Variants in LGSN observed in about 807,000 individuals in gnomAD.
The protein encoded by LGSN is lengsin, lens protein with glutamine synthetase domain, also known as lengsin.
A neutral mutation model predicts 19.5 loss-of-function variants in LGSN; 21 were observed. The ratio of observed to expected loss-of-function variants is 1.07; its 90% CI spans 0.76 to 1.55. The LOEUF is 1.55. Ranked by LOEUF, LGSN falls within the 40% of genes most tolerant of loss-of-function variation. LGSN has a pLI of 0.00. For synonymous variants in LGSN, 257 were observed against 215.6 expected (o/e 1.19, Z -1.68); for missense variants, 673 against 608.5 (o/e 1.11, Z -1.12).
chr6:63,478,707 C>T, the LGSN span, among the ~76,000 whole-genome samples: 4 of 152,260 alleles, frequency 2.6e-5, no homozygotes, highest in Middle Eastern at 0.01. Context: ...AGAATTTAAA[C>T]TTATTTCCTC....
the LGSN span, among the ~76,000 whole-genome samples, chr6:63,340,836 G>GTTTTTTT: frequency 1.4e-5 from 2 of 146,276 alleles, no homozygotes; most frequent in African/African-American, 2.6e-5. Flanking sequence ...GCTTTTTATG[G>GTTTTTTT]TTTGTGTGTG....
chr6:63,565,551 C>A, the LGSN span, among the ~76,000 whole-genome samples: 2 of 152,154 alleles, frequency 1.3e-5, no homozygotes, highest in African/African-American at 4.8e-5. Context: ...TCTGATCCAG[C>A]AGGATTCATT....
the LGSN span, among the ~76,000 whole-genome samples, chr6:63,411,074 A>G: frequency 1.8e-4 from 27 of 152,202 alleles, no homozygotes; most frequent in Non-Finnish European, 3.2e-4. Context: ...ACTACAGTTC[A>G]TCTCATCTCC....
rs1767259099 is a variant in LGSN, at chr6:63,280,550, G to A, written c.1001C>T (p.Thr334Ile). 1 of 1,613,974 alleles carries A rather than the reference G, an allele frequency of 6.2e-7. No homozygotes were observed. The highest frequency in any genetic ancestry group is 8.5e-7 in the Non-Finnish European group (1 of 1,180,038). The change falls in exon 4 of 4, where the codon ACT becomes ATT. Residue 334 changes from threonine (T) to isoleucine (I), a missense_variant. Physicochemically the swap from Thr to Ile is moderately conservative, Grantham distance 89. Transcript: ENST00000370657. Reference sequence around the variant, plus strand: ...TTTCCCAGTGATCGTGAGCTGCTCAGTTCCAGAAGTGCTGCAGAACATGTT... The same window carrying A: ...TTTCCCAGTGATCGTGAGCTGCTCAATTCCAGAAGTGCTGCAGAACATGTT... ...KKNMFCSTSG[T>I]EQLTITGKKW...
the LGSN span, chr6:63,481,649 A>G: frequency 6.3e-6 from 1 of 158,768 alleles, no homozygotes; most frequent in Non-Finnish European, 1.4e-5. Flanking sequence ...CCCAGCCCCA[A>G]AAGCTATTAA....
chr6:63,412,466 AAGAG>A, the LGSN span, among the ~76,000 whole-genome samples: 3 of 123,960 alleles, frequency 2.4e-5, no homozygotes, highest in African/African-American at 4.0e-5. Flanking sequence ...AAGAAAGAAA[AAGAG>A]AGAGAAGAAA....
chr6:63,353,295 G>A, the LGSN span, among the ~76,000 whole-genome samples: 3 of 152,238 alleles, frequency 2.0e-5, no homozygotes, highest in African/African-American at 7.2e-5. Flanking sequence ...CAACAGGCAA[G>A]AGGCAATAGG....
At chr6:63,534,687 C>T in the LGSN span, among the ~76,000 whole-genome samples, 2 of 151,632 alleles carry the variant, frequency 1.3e-5, no homozygotes, top group African/African-American at 4.9e-5. Flanking sequence ...GTGGCTCATG[C>T]CTGTAACCCC....
At chr6:63,412,756 AAAGAAAG>A in the LGSN span, among the ~76,000 whole-genome samples, 1 of 78,528 alleles carries the variant, frequency 1.3e-5, no homozygotes, top group Non-Finnish European at 2.3e-5. Flanking sequence ...AGAAAGAAAG[AAAGAAAG>A]AAAGAAAGGA....
At chr6:63,293,200 T>C (rs1043683793) in intron 2 of LGSN, among the ~76,000 whole-genome samples, 1 of 152,164 alleles carries the variant, frequency 6.6e-6, no homozygotes, top group Admixed American at 6.5e-5. Flanking sequence ...TCTGCCTATG[T>C]TGCCCAGGCT....
chr6:63,412,116 C>T, the LGSN span, among the ~76,000 whole-genome samples: 1 of 151,990 alleles, frequency 6.6e-6, no homozygotes, highest in African/African-American at 2.4e-5. Flanking sequence ...CCTGTAATCC[C>T]AGCACTTTGG....
At chr6:63,418,101 C>T in the LGSN span, among the ~76,000 whole-genome samples, 1 of 152,106 alleles carries the variant, frequency 6.6e-6, no homozygotes, top group Non-Finnish European at 1.5e-5. Flanking sequence ...TGAGATAAGG[C>T]TAATTGCCTT....
chr6:63,513,065 T>A, the LGSN span, among the ~76,000 whole-genome samples: 16 of 152,214 alleles, frequency 1.1e-4, no homozygotes, highest in Non-Finnish European at 1.8e-4. Flanking sequence ...CAATCCCTAG[T>A]CCATCTCCTC....
the LGSN span, among the ~76,000 whole-genome samples, chr6:63,436,860 AC>A: frequency 6.8e-6 from 1 of 146,250 alleles, no homozygotes; most frequent in Non-Finnish European, 1.5e-5. Flanking sequence ...AAATGGTGAA[AC>A]CCCATCTCTA....
At chr6:63,361,472 C>T in the LGSN span, among the ~76,000 whole-genome samples, 1 of 152,182 alleles carries the variant, frequency 6.6e-6, no homozygotes, top group Non-Finnish European at 1.5e-5. Context: ...AGGATATAAT[C>T]TCCTGGTGTG....
the LGSN span, among the ~76,000 whole-genome samples, chr6:63,470,933 CTTTTTTTTT>C: frequency 4.1e-5 from 3 of 73,066 alleles, no homozygotes; most frequent in Non-Finnish European, 7.8e-5. Context: ...TTCAGTCTTT[CTTTTTTTTT>C]TTTTTTTTTT....
At chr6:63,403,823 C>T in the LGSN span, among the ~76,000 whole-genome samples, 1 of 152,082 alleles carries the variant, frequency 6.6e-6, no homozygotes, top group African/African-American at 2.4e-5. Flanking sequence ...TTTGTATAAT[C>T]CTTCATCCTT....
At chr6:63,542,023 G>GTGTT in the LGSN span, among the ~76,000 whole-genome samples, 1 of 414 alleles carries the variant, frequency 2.4e-3, no homozygotes, top group South Asian at 0.028. Flanking sequence ...AGAAACTGTG[G>GTGTT]TGTGTGTGTG....
At chr6:63,373,802 GTC>G in the LGSN span, among the ~76,000 whole-genome samples, 1 of 152,010 alleles carries the variant, frequency 6.6e-6, no homozygotes, top group Non-Finnish European at 1.5e-5. Context: ...GCGAAACCCA[GTC>G]TCTACCAAAA....
Sources: gnomAD v4.1 joint callset for allele counts (sites outside exome capture counted in the v4.1 genomes callset) on GRCh38, gnomAD v4.1.1 for gene constraint, MANE v1.5 for transcripts, NCBI Gene and HGNC (gene_info 2026-07-23, HGNC 2026-07-21) for gene names.